Variants in FGL1 observed in about 807,000 individuals in gnomAD.
FGL1 encodes the protein fibrinogen-like protein 1.
In FGL1, 59 loss-of-function variants were observed where a neutral mutation model predicts 43.7. The ratio of observed to expected loss-of-function variants is 1.35; its 90% CI spans 1.10 to 1.68. FGL1 has a LOEUF of 1.68. Among genes scored for constraint, FGL1 ranks in the 40% most tolerant of loss-of-function variants. The probability of loss-of-function intolerance (pLI) is 0.00; values close to 1 mark genes in which losing one functional copy is unlikely to be tolerated. For synonymous variants in FGL1, 192 were observed against 126.5 expected (o/e 1.52, Z -3.48); for missense variants, 596 against 373.0 (o/e 1.60, Z -4.92).
rs563437238 is a variant in FGL1, at chr8:17,872,522, C to T, written c.502+1497G>A. On this transcript the variant is annotated intron_variant, in intron 5 of 7. Coordinates refer to ENST00000427924, the MANE Select transcript of FGL1 (RefSeq NM_004467.4). Reference sequence around the variant, plus strand: ...TTCACCATGTTGGCCAGGCTGGTCTCGAAATCCTGGCCCCAAGGGGTCCAC... The same window carrying T: ...TTCACCATGTTGGCCAGGCTGGTCTTGAAATCCTGGCCCCAAGGGGTCCAC... Among the ~76,000 whole-genome samples, 6 of 152,174 alleles carry T rather than the reference C, an allele frequency of 3.9e-5. No homozygotes were observed. The South Asian group carries it at 1.0e-3, about 26-fold the overall frequency.
chr8:17,868,424 A>G, intron 7 of FGL1, 124 bp downstream of exon 7: 1 of 699,664 alleles, frequency 1.4e-6, no homozygotes, highest in Non-Finnish European at 2.1e-6. Context: ...AATGAGAATG[A>G]TTACTTAATA....
chr8:17,865,792 A>G (rs907749370), intron 7 of FGL1, among the ~76,000 whole-genome samples: 10 of 152,214 alleles, frequency 6.6e-5, no homozygotes, highest in African/African-American at 2.4e-4. Flanking sequence ...CACAAGAGGT[A>G]GTTCTGAACA....
intron 5 of FGL1, among the ~76,000 whole-genome samples, chr8:17,872,690 G>C (rs2053382331): frequency 6.6e-6 from 1 of 152,164 alleles, no homozygotes; most frequent in Non-Finnish European, 1.5e-5. Flanking sequence ...GATCAGACTT[G>C]AGTGGGACTG....
At chr8:17,871,943 C>A (rs2053368617) in intron 5 of FGL1, among the ~76,000 whole-genome samples, 1 of 152,094 alleles carries the variant, frequency 6.6e-6, no homozygotes, top group South Asian at 2.1e-4. Flanking sequence ...TTAGAAAGAG[C>A]CAAGGGTTAC....
intron 2 of FGL1, among the ~76,000 whole-genome samples, chr8:17,883,463 A>T (rs1374073968): frequency 7.9e-6 from 1 of 126,456 alleles, no homozygotes; most frequent in Non-Finnish European, 1.5e-5. Context: ...GATATTATAT[A>T]ATATATAAAT....
In FGL1 at chr8:17,885,492, C is replaced by A. The variant is rs1335297974; in HGVS notation, c.63G>T (p.Ser21=). The A allele has an allele frequency of 1.2e-6, 2 of 1,609,580 alleles. No individual in the cohort carries two copies. Among genetic ancestry groups the A allele is most frequent in the Non-Finnish European group, 1.7e-6 (2 of 1,176,982 alleles). The change falls in exon 2 of 8, where the codon TCG becomes TCT. Residue 21 remains serine, a splice_region_variant and synonymous_variant. Transcript: ENST00000427924. Reference sequence around the variant, plus strand: ...ACAATAGTTTTCCCAAGAAGCTTACCGAAATTTCCCTGCCCATTGTCAGAG... The same window carrying A: ...ACAATAGTTTTCCCAAGAAGCTTACAGAAATTTCCCTGCCCATTGTCAGAG... The part of the protein sequence containing the change: ...TTALTMGREI[S]ALEDCAQEQM...
intron 2 of FGL1, chr8:17,882,762 A>ATT (rs1317056375): frequency 6.8e-5 from 9 of 133,196 alleles, no homozygotes; most frequent in African/African-American, 2.3e-4. Flanking sequence ...TATAATATAT[A>ATT]ATATATTAAA....
At chr8:17,873,226 A>G (rs996009721) in intron 5 of FGL1, among the ~76,000 whole-genome samples, 1 of 152,226 alleles carries the variant, frequency 6.6e-6, no homozygotes, top group Admixed American at 6.5e-5. Context: ...CCAATAGAAG[A>G]AAAATGACTC....
rs1383534831 is a variant in FGL1, at chr8:17,885,560, C to T, written c.-6G>A. On this transcript the variant is annotated 5_prime_UTR_variant, in exon 2 of 8. Transcript: ENST00000427924. The stretch of plus-strand genomic sequence containing the variant: ...AAACTGAACACCTTTGCCATGTTCC[C>T]CCTTGAAAAAACTGCAAGAACAAAA... 3.1e-6 allele frequency: 5 copies of T among 1,612,384 alleles called. No individual in the cohort carries two copies. Among genetic ancestry groups the T allele is most frequent in the South Asian group, 2.2e-5 (2 of 90,758 alleles).
chr8:17,895,264 G>A, intron 1 of FGL1, 183 bp downstream of exon 1: 2 of 1,005,506 alleles, frequency 2.0e-6, no homozygotes, highest in South Asian at 2.7e-5. Flanking sequence ...CTGTATATCT[G>A]TAACAAAAGA....
chr8:17,865,209 A>G (rs2053253084), intron 7 of FGL1, among the ~76,000 whole-genome samples: 1 of 152,230 alleles, frequency 6.6e-6, no homozygotes, highest in Admixed American at 6.5e-5. Flanking sequence ...TAAACAAAAA[A>G]TTAAAACAAG....
chr8:17,886,143 T>C (rs1423765569), intron 1 of FGL1, among the ~76,000 whole-genome samples: 1 of 152,192 alleles, frequency 6.6e-6, no homozygotes, highest in Non-Finnish European at 1.5e-5. Context: ...TTGTTGCTTC[T>C]ACGGAATTAT....
Position 17,882,174 on chromosome 8 carries a change from G to T in FGL1, c.69C>A (p.Leu23=), listed in dbSNP as rs146639128. 80 of 1,612,484 alleles carry T rather than the reference G, an allele frequency of 5.0e-5. No individual in the cohort carries two copies. The highest frequency in any genetic ancestry group is 6.4e-5 in the Non-Finnish European group (75 of 1,179,630). ...GCATCTGCTCCTGGGCACAGTCCTC[G>T]AGCGCCTGCAAAACAGGTGAGATGA... is the stretch of plus-strand genomic sequence containing the variant. The part of the protein sequence containing the change: ...ALTMGREISA[L]EDCAQEQMRL... The change falls in exon 3 of 8, where the codon CTC becomes CTA. Residue 23 remains leucine, a synonymous_variant. Coordinates refer to ENST00000427924, the MANE Select transcript of FGL1 (RefSeq NM_004467.4).
In FGL1 at chr8:17,864,554, A is replaced by C. The variant is rs761952326; in HGVS notation, c.*38T>G. ...GAGTATTTTTCAAATCACTTTAAAC[A>C]AAGCTGAATTGCAGAAACGAAAGCC... On this transcript the variant is annotated 3_prime_UTR_variant, in exon 8 of 8. Transcript: ENST00000427924. 1.3e-6 allele frequency: 2 copies of C among 1,580,198 alleles called. No homozygotes were observed. The highest frequency in any genetic ancestry group is 2.7e-5 in the African/African-American group (2 of 73,632).
intron 1 of FGL1, among the ~76,000 whole-genome samples, chr8:17,892,436 A>G (rs918030209): frequency 2.0e-5 from 3 of 152,210 alleles, no homozygotes; most frequent in Non-Finnish European, 4.4e-5. Flanking sequence ...AAGTGACATC[A>G]TTCAGTCAAA....
intron 5 of FGL1, 43 bp from the exon 6 acceptor site, chr8:17,869,047 C>G: frequency 8.0e-7 from 1 of 1,255,882 alleles, no homozygotes; most frequent in Non-Finnish European, 1.1e-6. Context: ...AAATGTGTGA[C>G]ATGACACGGA....
intron 3 of FGL1, among the ~76,000 whole-genome samples, chr8:17,877,146 G>T (rs2053468357): frequency 6.6e-6 from 1 of 151,870 alleles, no homozygotes; most frequent in South Asian, 2.1e-4. Context: ...TTAAAACGAT[G>T]ATTTTCAAAA....
chr8:17,884,937 T>C (rs2053605467), intron 2 of FGL1, among the ~76,000 whole-genome samples: 1 of 152,196 alleles, frequency 6.6e-6, no homozygotes, highest in Admixed American at 6.5e-5. Context: ...TAATTTTAAT[T>C]ACTATGGACA....
chr8:17,871,580 A>C (rs1235907528), intron 5 of FGL1, among the ~76,000 whole-genome samples: 1 of 152,182 alleles, frequency 6.6e-6, no homozygotes, highest in Non-Finnish European at 1.5e-5. Context: ...CTCTTTGTTC[A>C]ATAAGTAAAC....
Sources: gnomAD v4.1 joint callset for allele counts (sites outside exome capture counted in the v4.1 genomes callset) on GRCh38, gnomAD v4.1.1 for gene constraint, MANE v1.5 for transcripts, NCBI Gene and HGNC (gene_info 2026-07-23, HGNC 2026-07-21) for gene names.